GCDH: variants seen among roughly 807,000 people sequenced by gnomAD.
The protein encoded by GCDH is glutaryl-CoA dehydrogenase.
Under a neutral mutation model 52.8 loss-of-function variants are expected in GCDH, and 31 were observed. The observed-to-expected ratio is 0.59, with a 90% CI of 0.44 to 0.79. GCDH has a LOEUF of 0.79. Among genes scored for constraint, GCDH ranks in the 30% least tolerant of loss-of-function variants. The pLI, the probability that GCDH is intolerant of heterozygous loss-of-function variation, is 0.00. For missense variants in GCDH, 509 were observed against 595.0 expected, an observed-to-expected ratio of 0.86 and a Z score of 1.50; for synonymous variants, 242 against 250.0, an observed-to-expected ratio of 0.97 and a Z score of 0.30.
In GCDH at chr19:12,899,988, G is replaced by A. The variant is rs1157955534; in HGVS notation, c.*447G>A. 1 of 1,612,988 alleles carries A rather than the reference G, an allele frequency of 6.2e-7. No homozygotes were observed. The highest frequency in any genetic ancestry group is 8.5e-7 in the Non-Finnish European group (1 of 1,179,954). On this transcript the variant is annotated 3_prime_UTR_variant, in exon 12 of 12. Transcript: ENST00000222214. ...CATCTGACCCCAAGGTGTCAGGCCG[G>A]TTTACTGGTAACCACCTGAGAAGTA... is the stretch of plus-strand genomic sequence containing the variant.
rs1970687601 is a variant in GCDH, at chr19:12,896,618, G to T, written c.852+197G>T. ...TCTCGCTCATCCCGGCTCTGCCCGG[G>T]ACACATGGGCCTGAACCAGCTCAGT... is the stretch of plus-strand genomic sequence containing the variant. On this transcript the variant is annotated intron_variant, in intron 8 of 11. Transcript: ENST00000222214. The surrounding 1 kb of genome is among the most constrained non-coding windows in gnomAD (Gnocchi z 5.5). Among the ~76,000 whole-genome samples, 1 of 152,194 alleles carries T rather than the reference G, an allele frequency of 6.6e-6. No individual in the cohort carries two copies. The highest frequency in any genetic ancestry group is 2.4e-5 in the African/African-American group (1 of 41,462).
chr19:12,896,681 C>T lies in GCDH; in HGVS notation c.853-229C>T, dbSNP rs1433558533. 6.6e-6 allele frequency among the ~76,000 whole-genome samples: 1 copy of T among 152,234 alleles called. No homozygotes were observed. The highest frequency in any genetic ancestry group is 1.5e-5 in the Non-Finnish European group (1 of 68,040). On this transcript the variant is annotated intron_variant, in intron 8 of 11. Coordinates refer to ENST00000222214, the MANE Select transcript of GCDH (RefSeq NM_000159.4). The surrounding 1 kb of genome is among the most constrained non-coding windows in gnomAD (Gnocchi z 5.5). ...AGTGCATCTTCTGGCATCCGTCAGCCTCCTGGCTCTGAGCATCGAACCCAG... is the reference window on the plus strand; with the variant it reads ...AGTGCATCTTCTGGCATCCGTCAGCTTCCTGGCTCTGAGCATCGAACCCAG...
rs1286656857 is a variant in GCDH at position 12,894,836 on chromosome 19, T to C, written c.506-1156T>C. The C allele has an allele frequency of 3.2e-5, 19 of 584,778 alleles. No individual in the cohort carries two copies. In the Admixed American group the frequency reaches 5.8e-4, roughly 18 times the overall value. 36.2% of individuals were successfully genotyped at this position (584,778 alleles called of 1,614,324 possible). On this transcript the variant is annotated intron_variant, in intron 6 of 11. Coordinates refer to ENST00000222214, the MANE Select transcript of GCDH (RefSeq NM_000159.4). ...AATCGTGAAGAGACGCAGACTGTCC[T>C]CTCTGCGAGCTTCCACTTCTAAGTC...
rs779827994 is a variant in GCDH, at chr19:12,897,453, GGGGAT to G, written c.1082+28_1082+32del. On this transcript the variant is annotated intron_variant, in intron 10 of 11. Transcript: ENST00000222214. ...AGTAGGGGCTGTGTGGTGGGGGCGG[GGGGAT>G]GGCAGCGGTGGCTGGAGGACCTTGT... 15 of 1,611,294 alleles carry G rather than the reference GGGGAT, an allele frequency of 9.3e-6. No homozygotes were observed. In the South Asian group the frequency reaches 1.4e-4, roughly 15 times the overall value.
In GCDH at chr19:12,891,846, TTGAC is replaced by T. The variant is rs1970563946; in HGVS notation, c.146_149del (p.Asp49GlyfsTer11). ...CCCTTCCCAGCCTCGCGTCCCGAGT[TTGAC>T]TGGCAGGACCCGCTGGTGCTGGAGG... On this transcript the variant is annotated frameshift_variant, in exon 4 of 12. Coordinates refer to ENST00000222214, the MANE Select transcript of GCDH (RefSeq NM_000159.4). LOFTEE classifies it high-confidence loss of function. 1 of 1,613,976 alleles carries T rather than the reference TTGAC, an allele frequency of 6.2e-7. No homozygotes were observed. The highest frequency in any genetic ancestry group is 1.1e-5 in the South Asian group (1 of 91,084).
At chr19:12,897,543 C>T (rs1293211048) in intron 10 of GCDH, 115 bp downstream of exon 10, 15 of 1,445,062 alleles carry the variant, frequency 1.0e-5, no homozygotes, top group Non-Finnish European at 1.3e-5. Context: ...GAACCTTCTG[C>T]TGTCCCTCTT....
rs1260580183 is a variant in GCDH at position 12,896,971 on chromosome 19, C to T, written c.914C>T (p.Ser305Leu). 9 of 1,612,906 alleles carry T rather than the reference C, an allele frequency of 5.6e-6. No individual in the cohort carries two copies. The highest frequency in any genetic ancestry group is 2.2e-5 in the East Asian group (1 of 44,892). ...YGIAWGVLGA[S>L]EFCLHTARQY... ...ATCGCGTGGGGCGTGCTTGGAGCTTCGGAGTTCTGCTTGCACACAGCCCGG... is the reference window on the plus strand; with the variant it reads ...ATCGCGTGGGGCGTGCTTGGAGCTTTGGAGTTCTGCTTGCACACAGCCCGG... Residue 305 changes from serine to leucine, a missense_variant, in exon 9 of 12, where the codon TCG becomes TTG. Physicochemically the swap from Ser to Leu is moderately radical, Grantham distance 145 (BLOSUM62 -2). Coordinates refer to ENST00000222214, the MANE Select transcript of GCDH (RefSeq NM_000159.4). This position sits in a 1 kb window ranked among gnomAD's most constrained non-coding sequence, Gnocchi z 5.5.
chr19:12,893,623 G>A lies in GCDH; in HGVS notation c.475G>A (p.Glu159Lys), dbSNP rs1383994060. ...CCCTATCTATGCCTATGGCAGCGAG[G>A]AACAGCGGCAGAAGTACCTGCCCCA... ...MHPIYAYGSE[E>K]QRQKYLPQLA... Residue 159 changes from glutamate to lysine, a missense_variant, in exon 6 of 12, where the codon GAA becomes AAA. By Grantham distance (56) the Glu-to-Lys change is moderately conservative. Transcript: ENST00000222214. The A allele has an allele frequency of 1.2e-6, 2 of 1,613,994 alleles. No individual in the cohort carries two copies. The highest frequency in any genetic ancestry group is 1.3e-5 in the African/African-American group (1 of 74,934).
Position 12,896,338 on chromosome 19 carries a change from CG to C in GCDH, c.772del (p.Ala258ProfsTer6). The C allele has an allele frequency of 1.9e-6, 3 of 1,614,094 alleles. No individual in the cohort carries two copies. The South Asian group carries it at 3.3e-5, about 18-fold the overall frequency. On this transcript the variant is annotated frameshift_variant, in exon 8 of 12. Coordinates refer to ENST00000222214, the MANE Select transcript of GCDH (RefSeq NM_000159.4). LOFTEE classifies it high-confidence loss of function. This position sits in a 1 kb window ranked among gnomAD's most constrained non-coding sequence, Gnocchi z 5.5. Reference protein sequence around the residue: ...APRIQGKFSLRASATGMIIMD... With the variant: ...APRIQGKFSLXASATGMIIMD... The stretch of plus-strand genomic sequence containing the variant: ...CAGGATCCAGGGCAAGTTCTCGCTG[CG>C]GGCCTCAGCCACAGGCATGATCATC...
At position 12,892,195 on chromosome 19, in the gene GCDH, C is replaced by G. The variant is rs372269465; in HGVS notation, c.334+17C>G. 3.1e-6 allele frequency: 5 copies of G among 1,599,620 alleles called. No individual in the cohort carries two copies. Among genetic ancestry groups the G allele is most frequent in the Non-Finnish European group, 3.4e-6 (4 of 1,166,740 alleles). Reference sequence around the variant, plus strand: ...CCATCAAAGGTAGGAACAAGTATCTCTCCACACACTGCAGAACCCTCTGTA... The same window carrying G: ...CCATCAAAGGTAGGAACAAGTATCTGTCCACACACTGCAGAACCCTCTGTA... On this transcript the variant is annotated intron_variant, in intron 5 of 11. Coordinates refer to ENST00000222214, the MANE Select transcript of GCDH (RefSeq NM_000159.4).
At position 12,896,098 on chromosome 19, in the gene GCDH, C is replaced by T. The variant is rs777957599; in HGVS notation, c.612C>T (p.Tyr204=). 3.1e-6 allele frequency: 5 copies of T among 1,613,984 alleles called. No individual in the cohort carries two copies. Among genetic ancestry groups the T allele is most frequent in the African/African-American group, 1.3e-5 (1 of 74,910 alleles). ...ACTACAACTCATCCAACAAGAGCTACACCCTCAATGGGACCAAGACCTGGT... is the reference window on the plus strand; with the variant it reads ...ACTACAACTCATCCAACAAGAGCTATACCCTCAATGGGACCAAGACCTGGT... ...RAHYNSSNKS[Y]TLNGTKTWIT... Residue 204 remains tyrosine (Y), a synonymous_variant, in exon 7 of 12, where the codon TAC becomes TAT. Coordinates refer to ENST00000222214, the MANE Select transcript of GCDH (RefSeq NM_000159.4). The surrounding 1 kb of genome is among the most constrained non-coding windows in gnomAD (Gnocchi z 5.5).
rs760851717 is a variant in GCDH, at chr19:12,892,285, C to T, written c.334+107C>T. ...CCTTCCTTCTCTTTCTTTTCTTTTC[C>T]TTTTCTTTCCTTTCTTCTTCCCCCC... On this transcript the variant is annotated intron_variant, in intron 5 of 11. Transcript: ENST00000222214. The T allele has an allele frequency of 3.0e-6, 3 of 1,006,572 alleles. No individual in the cohort carries two copies. In the South Asian group the frequency reaches 4.0e-5, roughly 14 times the overall value. 62.4% of individuals were successfully genotyped at this position (1,006,572 alleles called of 1,614,324 possible).
In GCDH at chr19:12,891,422, G is replaced by A. The variant is rs1330002503; in HGVS notation, c.91+27G>A. On this transcript the variant is annotated intron_variant, in intron 2 of 11. Transcript: ENST00000222214. ...TCAGTGTGGGGTCGGGAGTGTGGAG[G>A]GAAGGAGGGAGGAACTGGGGGTTTA... 3.7e-6 allele frequency: 6 copies of A among 1,614,204 alleles called. No homozygotes were observed. In the South Asian group the frequency reaches 6.6e-5, roughly 18 times the overall value.
At chr19:12,894,615 C>T in intron 6 of GCDH, 3 of 685,212 alleles carry the variant, frequency 4.4e-6, no homozygotes, top group Non-Finnish European at 7.7e-6. Context: ...GTAAAAAAGC[C>T]CTTAAACAAA....
chr19:12,893,866 C>A, intron 6 of GCDH: 2 of 635,684 alleles, frequency 3.1e-6, no homozygotes, highest in Non-Finnish European at 2.8e-6. Context: ...TCTCCCTATG[C>A]TTTCTGTGTT....
chr19:12,895,768 C>T (rs931286733), intron 6 of GCDH, among the ~76,000 whole-genome samples: 12 of 145,192 alleles, frequency 8.3e-5, no homozygotes, highest in Non-Finnish European at 3.0e-5. Flanking sequence ...CCCACCACCA[C>T]ATCTGGCTAT....
At chr19:12,891,714 T>A (rs1351655640) in intron 3 of GCDH, 117 bp from the exon 4 acceptor site, 1 of 1,601,120 alleles carries the variant, frequency 6.2e-7, no homozygotes, top group East Asian at 2.2e-5. Context: ...CAGTCTCGCT[T>A]GCAGCTCGCA....
Position 12,899,963 on chromosome 19 carries a change from C to G in GCDH, c.*422C>G, listed in dbSNP as rs749753298. ...AGGGAGAGGAAAATAAAGACCTGCA[C>G]ATCTGACCCCAAGGTGTCAGGCCGG... On this transcript the variant is annotated 3_prime_UTR_variant, in exon 12 of 12. Transcript: ENST00000222214. The G allele has an allele frequency of 6.2e-7, 1 of 1,612,298 alleles. No individual in the cohort carries two copies.
chr19:12,892,301 T>C, intron 5 of GCDH, 123 bp downstream of exon 5: 1 of 920,346 alleles, frequency 1.1e-6, no homozygotes, highest in Non-Finnish European at 1.7e-6. Context: ...TTTCCTTTCT[T>C]CTTCCCCCCC....
Sources: allele counts gnomAD v4.1 joint callset (sites outside exome capture counted in the v4.1 genomes callset), GRCh38; gene constraint gnomAD v4.1.1; non-coding constraint Gnocchi (gnomAD v3.1); transcripts MANE v1.5; gene names NCBI Gene and HGNC (gene_info 2026-07-23, HGNC 2026-07-21).